Variants in ZBTB24 observed in about 807,000 individuals in gnomAD.
The protein encoded by ZBTB24 is zinc finger and BTB domain containing 24.
ZBTB24 carries 32 observed loss-of-function variants against 53.8 expected under a neutral mutation model. The ratio of observed to expected loss-of-function variants is 0.60; its 90% confidence interval spans 0.45 to 0.80. ZBTB24 has a LOEUF of 0.80. ZBTB24 is among the 30% of genes least tolerant of loss of function. ZBTB24 has a pLI of 0.00. For missense variants in ZBTB24, 722 were observed against 837.1 expected, an observed-to-expected ratio of 0.86 and a Z score of 1.70; for synonymous variants, 297 against 306.7, an observed-to-expected ratio of 0.97 and a Z score of 0.33.
At chr6:109,480,693 G>A (rs1375252271) in intron 2 of ZBTB24, among the ~76,000 whole-genome samples, 1 of 152,234 alleles carries the variant, frequency 6.6e-6, no homozygotes, top group Non-Finnish European at 1.5e-5. Context: ...ATCTTGATAA[G>A]TGGACATTAA....
At chr6:109,476,285 CAT>C in intron 3 of ZBTB24, 27 bp from the exon 4 acceptor site, 1 of 1,612,558 alleles carries the variant, frequency 6.2e-7, no homozygotes, top group Non-Finnish European at 8.5e-7. Context: ...AACACTAAAA[CAT>C]GTAAAAAATT....
In ZBTB24 at chr6:109,475,452, T is replaced by C. The variant is rs548726702; in HGVS notation, c.1235A>G (p.His412Arg). Residue 412 changes from histidine (H) to arginine (R), a missense_variant, in exon 5 of 7, where the codon CAT becomes CGT. By Grantham distance (29) the His-to-Arg change is conservative. Coordinates refer to ENST00000230122, the MANE Select transcript of ZBTB24 (RefSeq NM_014797.3). ...CTGAGACACATCCATGAATTTGCGA[T>C]GGCAGTCTTTGCATTCCGGTAATGA... Reference protein sequence around the residue: ...GHSLPECKDCHRKFMDVSQLK... With the variant: ...GHSLPECKDCRRKFMDVSQLK... 16 of 1,614,238 alleles carry C rather than the reference T, an allele frequency of 9.9e-6. No homozygotes were observed. The East Asian group carries it at 1.1e-4, about 11-fold the overall frequency.
Position 109,471,880 on chromosome 6 carries a change from A to G in ZBTB24, c.1288+3519T>C, listed in dbSNP as rs1420303168. The stretch of plus-strand genomic sequence containing the variant: ...GGTATGGGGACAAGATGTGAGCAGA[A>G]GGGCCTGAGATGTGGTGACCTGGCA... On this transcript the variant is annotated intron_variant, in intron 5 of 6. Coordinates refer to ENST00000230122, the MANE Select transcript of ZBTB24 (RefSeq NM_014797.3). Among the ~76,000 whole-genome samples the G allele has an allele frequency of 3.3e-5, 5 of 152,244 alleles. No homozygotes were observed. In the South Asian group the frequency reaches 8.3e-4, roughly 25 times the overall value.
chr6:109,466,119 G>A lies in ZBTB24; in HGVS notation c.1826C>T (p.Ala609Val). Residue 609 changes from alanine to valine, a missense_variant, in exon 7 of 7, where the codon GCT becomes GTT. By Grantham distance (64) the Ala-to-Val change is moderately conservative. Transcript: ENST00000230122. The stretch of plus-strand genomic sequence containing the variant: ...AATGTGTTCTGTTTGCTCCTGTTGA[G>A]CTGAAAGAATTAAATTCTGCAGTTG... ...PEQLQNLILSAQQEQTEHIQS... is the reference protein window; with the variant it reads ...PEQLQNLILSVQQEQTEHIQS... 6.2e-7 allele frequency: 1 copy of A among 1,614,248 alleles called. No homozygotes were observed. Among genetic ancestry groups the A allele is most frequent in the Non-Finnish European group, 8.5e-7 (1 of 1,180,042 alleles).
At position 109,475,441 on chromosome 6, in the gene ZBTB24, T is replaced by C; in HGVS notation, c.1246A>G (p.Met416Val). Residue 416 changes from methionine to valine, a missense_variant, in exon 5 of 7, where the codon ATG becomes GTG. Coordinates refer to ENST00000230122, the MANE Select transcript of ZBTB24 (RefSeq NM_014797.3). ...TGTTTCTTTAGCTGAGACACATCCA[T>C]GAATTTGCGATGGCAGTCTTTGCAT... ...PECKDCHRKF[M>V]DVSQLKKHLR... The C allele has an allele frequency of 2.5e-6, 4 of 1,614,218 alleles. No individual in the cohort carries two copies. The highest frequency in any genetic ancestry group is 3.4e-6 in the Non-Finnish European group (4 of 1,180,034).
chr6:109,476,062 A>G (rs1776271867), intron 4 of ZBTB24, 113 bp downstream of exon 4: 2 of 1,175,822 alleles, frequency 1.7e-6, no homozygotes, highest in Non-Finnish European at 2.5e-6. Flanking sequence ...TTCCCTAAAT[A>G]CCCTATGTGA....
At chr6:109,472,078 G>C (rs893889650) in intron 5 of ZBTB24, among the ~76,000 whole-genome samples, 9 of 152,118 alleles carry the variant, frequency 5.9e-5, no homozygotes, top group Admixed American at 6.5e-5. Flanking sequence ...AGAGATGAAT[G>C]ACAGCTCATC....
In ZBTB24 at chr6:109,481,774, C is replaced by A; in HGVS notation, c.253G>T (p.Asp85Tyr). 6.2e-7 allele frequency: 1 copy of A among 1,614,030 alleles called. No homozygotes were observed. The highest frequency in any genetic ancestry group is 8.5e-7 in the Non-Finnish European group (1 of 1,179,986). ...AATTCCAGCAGGATACCAAAGGTGTCTGCAACCATGCCTTCCAGCATATAA... is the reference window on the plus strand; with the variant it reads ...AATTCCAGCAGGATACCAAAGGTGTATGCAACCATGCCTTCCAGCATATAA... ...SIYMLEGMVA[D>Y]TFGILLEFIY... The change falls in exon 2 of 7, where the codon GAC becomes TAC. Residue 85 changes from aspartate to tyrosine, a missense_variant. Asp to Tyr is a radical substitution (Grantham distance 160). Coordinates refer to ENST00000230122, the MANE Select transcript of ZBTB24 (RefSeq NM_014797.3).
At chr6:109,474,593 G>A (rs996507651) in intron 5 of ZBTB24, among the ~76,000 whole-genome samples, 1 of 152,132 alleles carries the variant, frequency 6.6e-6, no homozygotes, top group Non-Finnish European at 1.5e-5. Flanking sequence ...AATTAGCTGG[G>A]CATGGTAGCG....
rs1303811518 is a variant in ZBTB24, at chr6:109,463,534, A to C, written c.*2317T>G. 6.6e-6 allele frequency: 1 copy of C among 152,186 alleles called. No individual in the cohort carries two copies. Among genetic ancestry groups the C allele is most frequent in the Non-Finnish European group, 1.5e-5 (1 of 68,034 alleles). 9.4% of individuals were successfully genotyped at this position (152,186 alleles called of 1,614,324 possible). On this transcript the variant is annotated 3_prime_UTR_variant, in exon 7 of 7. Transcript: ENST00000230122. ...AAGGAACTGGATTTTAATTTTAATA[A>C]ATTTAATATAAATTTTTAAACTGAT... is the stretch of plus-strand genomic sequence containing the variant.
intron 5 of ZBTB24, among the ~76,000 whole-genome samples, chr6:109,472,235 G>A (rs1054919140): frequency 6.6e-6 from 1 of 152,074 alleles, no homozygotes; most frequent in African/African-American, 2.4e-5. Flanking sequence ...TGATGCTAGG[G>A]ACAGATGGGT....
chr6:109,481,273 G>A lies in ZBTB24; in HGVS notation c.754C>T (p.Arg252Ter). ...CTCCAAATCCTCCGCTTGCTGTATC[G>A]ACTCTGGCTTGCCTGGCCATCCTCG... ...KTEDGQASQS[R>*]YSKRRIWRSV... Residue 252 changes from arginine to a stop codon, truncating the protein, a stop_gained, in exon 2 of 7, where the codon CGA becomes TGA. Transcript: ENST00000230122. LOFTEE classifies it high-confidence loss of function. The A allele has an allele frequency of 3.1e-6, 5 of 1,614,110 alleles. No individual in the cohort carries two copies. The highest frequency in any genetic ancestry group is 4.2e-6 in the Non-Finnish European group (5 of 1,180,028).
intron 2 of ZBTB24, among the ~76,000 whole-genome samples, chr6:109,479,915 CAAAAAAAAAAAAAAA>C (rs200514874): frequency 2.4e-5 from 1 of 41,806 alleles, no homozygotes; most frequent in African/African-American, 9.2e-5. Context: ...GAATCCATCT[CAAAAAAAAAAAAAAA>C]AAAAAAAAAA....
chr6:109,473,780 G>A (rs1776218175), intron 5 of ZBTB24, among the ~76,000 whole-genome samples: 1 of 152,096 alleles, frequency 6.6e-6, no homozygotes, highest in Non-Finnish European at 1.5e-5. Flanking sequence ...AGAAAAACTT[G>A]TATTTAAAAA....
chr6:109,483,108 G>A lies in ZBTB24; in HGVS notation c.-39C>T, dbSNP rs13437139. 6,358 of 152,176 alleles carry A rather than the reference G, an allele frequency of 0.042. 169 individuals carry two copies. The highest frequency in any genetic ancestry group is 0.089 in the South Asian group (432 of 4,832). 9.4% of individuals were successfully genotyped at this position (152,176 alleles called of 1,614,324 possible). A position where few individuals can be genotyped will look rare whatever the true frequency, so the allele number is the denominator to read the frequency against. On this transcript the variant is annotated 5_prime_UTR_variant, in exon 1 of 7. Coordinates refer to ENST00000230122, the MANE Select transcript of ZBTB24 (RefSeq NM_014797.3). Reference sequence around the variant, plus strand: ...TCGCTGCCAACTCACCCGGCGGCCTGGCGGGAGACCCACGCCGGGGCCCGC... The same window carrying A: ...TCGCTGCCAACTCACCCGGCGGCCTAGCGGGAGACCCACGCCGGGGCCCGC...
intron 5 of ZBTB24, among the ~76,000 whole-genome samples, chr6:109,468,113 G>C (rs1776089551): frequency 1.3e-5 from 2 of 152,016 alleles, no homozygotes; most frequent in African/African-American, 4.8e-5. Context: ...GGACTCCTGT[G>C]TGCTAGGGTG....
intron 2 of ZBTB24, among the ~76,000 whole-genome samples, chr6:109,479,140 A>G (rs1776342820): frequency 1.3e-5 from 2 of 152,206 alleles, no homozygotes; most frequent in Non-Finnish European, 2.9e-5. Flanking sequence ...ATTTTCCAGA[A>G]CTGAAAGACA....
chr6:109,479,217 G>C (rs1311125794), intron 2 of ZBTB24, among the ~76,000 whole-genome samples: 1 of 152,194 alleles, frequency 6.6e-6, no homozygotes, highest in Non-Finnish European at 1.5e-5. Context: ...ATACTAAAGT[G>C]ATGGGCTGCA....
Position 109,466,269 on chromosome 6 carries a change from G to T in ZBTB24, c.1676C>A (p.Ser559Tyr). 1 of 1,614,248 alleles carries T rather than the reference G, an allele frequency of 6.2e-7. No individual in the cohort carries two copies. The highest frequency in any genetic ancestry group is 8.5e-7 in the Non-Finnish European group (1 of 1,180,052). The change falls in exon 7 of 7, where the codon TCT becomes TAT. Residue 559 changes from serine (S) to tyrosine (Y), a missense_variant. By Grantham distance (144) the Ser-to-Tyr change is moderately radical (BLOSUM62 -2). Transcript: ENST00000230122. ...EQEIQLLVTD[S>Y]VHNINFMPGP... The stretch of plus-strand genomic sequence containing the variant: ...GGGCATGAAATTGATGTTATGTACA[G>T]AATCGGTTACGAGAAGCTGAATTTC...
Sources: gnomAD v4.1 joint callset for allele counts (sites outside exome capture counted in the v4.1 genomes callset) on GRCh38, gnomAD v4.1.1 for gene constraint, MANE v1.5 for transcripts, NCBI Gene and HGNC (gene_info 2026-07-23, HGNC 2026-07-21) for gene names.